The following ATG7 variants were observed in gnomAD, a reference collection of about 807,000 sequenced individuals.
The protein encoded by ATG7 is ubiquitin-like modifier-activating enzyme ATG7.
A neutral mutation model predicts 82.4 loss-of-function variants in ATG7; 70 were observed. That is an observed-to-expected ratio of 0.85 (90% confidence interval 0.70 to 1.04). The LOEUF (loss-of-function observed/expected upper bound fraction) is 1.04, where lower values mean the gene tolerates loss of function less well. Among genes scored for constraint, ATG7 ranks in the 50% least tolerant of loss-of-function variants. The pLI, the probability that ATG7 is intolerant of heterozygous loss-of-function variation, is 0.00. For synonymous variants in ATG7, 287 were observed against 313.0 expected (o/e 0.92, Z 0.88); for missense variants, 792 against 864.3 (o/e 0.92, Z 1.05).
intron 16 of ATG7, among the ~76,000 whole-genome samples, chr3:11,361,189 A>T (rs762047930): frequency 1.3e-5 from 2 of 152,108 alleles, no homozygotes; most frequent in Non-Finnish European, 2.9e-5. Context: ...GGTTCCCTCT[A>T]CCTTTGCAAA....
chr3:11,450,256 G>A (rs139962054), intron 20 of ATG7, among the ~76,000 whole-genome samples: 153 of 152,334 alleles, frequency 1.0e-3, no homozygotes, highest in African/African-American at 3.6e-3. Context: ...TCCAGAGCCT[G>A]TGTTCTTAAC....
chr3:11,452,384 C>CAAAAAA lies in ATG7; in HGVS notation c.2079+25477_2079+25482dup, dbSNP rs34530409. Among the ~76,000 whole-genome samples, 160 of 58,392 alleles carry CAAAAAA rather than the reference C, an allele frequency of 2.7e-3. 19 individuals carry two copies. Among genetic ancestry groups the CAAAAAA allele is most frequent in the African/African-American group, 0.011 (148 of 13,098 alleles). 38.3% of individuals were successfully genotyped at this position (58,392 alleles called of 152,430 possible). A position where few individuals can be genotyped will look rare whatever the true frequency, so the allele number is the denominator to read the frequency against. On this transcript the variant is annotated intron_variant, in intron 20 of 20. Coordinates refer to ENST00000693202, the MANE Select transcript of ATG7 (RefSeq NM_001349232.2). ...TGGGCGACAGAGCGAGAACCTGTCT[C>CAAAAAA]AAAAAAAAAAAAAAAAAAAAAAAAG...
chr3:11,290,248 G>A (rs2152671104), intron 3 of ATG7, among the ~76,000 whole-genome samples: 1 of 152,332 alleles, frequency 6.6e-6, no homozygotes, highest in South Asian at 2.1e-4. Context: ...TAGAAAGGCA[G>A]TGACTAAGGC....
At chr3:11,485,864 T>A (rs965155411) in intron 20 of ATG7, among the ~76,000 whole-genome samples, 1 of 152,084 alleles carries the variant, frequency 6.6e-6, no homozygotes, top group Non-Finnish European at 1.5e-5. Flanking sequence ...ATATGCGACG[T>A]TATTTCTGAG....
intron 20 of ATG7, among the ~76,000 whole-genome samples, chr3:11,528,203 A>G (rs1052590101): frequency 2.6e-5 from 4 of 152,220 alleles, no homozygotes; most frequent in African/African-American, 4.8e-5. Flanking sequence ...AATCTTCTTT[A>G]TAGCCTGCAA....
chr3:11,357,889 G>A (rs1318340371), intron 14 of ATG7, among the ~76,000 whole-genome samples: 1 of 151,752 alleles, frequency 6.6e-6, no homozygotes, highest in Non-Finnish European at 1.5e-5. Context: ...TGTGCCTGTA[G>A]TCCCAGCTAC....
At position 11,372,819 on chromosome 3, in the gene ATG7, CGCGTGTGCGT is replaced by C. The variant is rs778237543; in HGVS notation, c.1876-7151_1876-7142del. ...AGGGCTGGGTGTGTGTGTGTGTGCG[CGCGTGTGCGT>C]GTGTGTGCGTGCGTGCGTGTGCGTG... On this transcript the variant is annotated intron_variant, in intron 18 of 20. Transcript: ENST00000693202. Among the ~76,000 whole-genome samples, 35 of 80,486 alleles carry C rather than the reference CGCGTGTGCGT, an allele frequency of 4.3e-4. 1 individual carries two copies. The highest frequency in any genetic ancestry group is 8.8e-4 in the Non-Finnish European group (29 of 33,084). The allele number at this position is 80,486 out of a possible 152,430, so 52.8% of individuals were successfully genotyped here.
intron 3 of ATG7, among the ~76,000 whole-genome samples, chr3:11,297,641 C>T (rs1425540645): frequency 6.6e-6 from 1 of 152,046 alleles, no homozygotes; most frequent in Admixed American, 6.6e-5. Context: ...TATATCATGG[C>T]ACAAAATACA....
chr3:11,460,301 A>G (rs1025366323), intron 20 of ATG7, among the ~76,000 whole-genome samples: 2 of 152,174 alleles, frequency 1.3e-5, no homozygotes, highest in Non-Finnish European at 2.9e-5. Context: ...GTCCTTCGGT[A>G]TCTTATCTAC....
intron 14 of ATG7, among the ~76,000 whole-genome samples, chr3:11,354,740 TA>T (rs1463494435): frequency 6.9e-6 from 1 of 145,590 alleles, no homozygotes; most frequent in Non-Finnish European, 1.5e-5. Context: ...GCTTCAACCC[TA>T]ATGAGTAGTG....
chr3:11,394,786 G>T (rs1040221779), intron 19 of ATG7, among the ~76,000 whole-genome samples: 1 of 152,102 alleles, frequency 6.6e-6, no homozygotes, highest in Non-Finnish European at 1.5e-5. Context: ...GCCCATAGTT[G>T]CCAGGTAAAA....
chr3:11,375,992 T>TA (rs2077389013), intron 18 of ATG7, among the ~76,000 whole-genome samples: 1 of 152,250 alleles, frequency 6.6e-6, no homozygotes, highest in African/African-American at 2.4e-5. Flanking sequence ...GATGAATTGC[T>TA]AAATAAATGT....
chr3:11,565,022 GA>G, the ATG7 span: 8 of 1,475,820 alleles, frequency 5.4e-6, no homozygotes, highest in Non-Finnish European at 6.3e-6. The surrounding 1 kb of genome is among the most constrained non-coding windows in gnomAD (Gnocchi z 4.1). Context: ...TCTTGTTCCT[GA>G]AAAAGAGGAA....
At chr3:11,277,068 C>A (rs1941969368) in intron 1 of ATG7, among the ~76,000 whole-genome samples, 2 of 152,168 alleles carry the variant, frequency 1.3e-5, no homozygotes, top group African/African-American at 4.8e-5. Flanking sequence ...CTTCCAAGTC[C>A]AGGTAGTCAT....
intron 11 of ATG7, among the ~76,000 whole-genome samples, chr3:11,340,105 TAA>T (rs1953281231): frequency 6.6e-6 from 1 of 152,066 alleles, no homozygotes; most frequent in South Asian, 2.1e-4. Flanking sequence ...TCTGAATGGA[TAA>T]AGATGAGCTT....
chr3:11,369,606 G>A (rs972520501), intron 18 of ATG7, among the ~76,000 whole-genome samples: 1 of 151,184 alleles, frequency 6.6e-6, no homozygotes, highest in Non-Finnish European at 1.5e-5. Flanking sequence ...CAGTGGGGAG[G>A]CCTCTGAATA....
rs1188957186 is a variant in ATG7 at position 11,337,105 on chromosome 3, T to G, written c.890-3540T>G. Among the ~76,000 whole-genome samples, 3 of 152,212 alleles carry G rather than the reference T, an allele frequency of 2.0e-5. No individual in the cohort carries two copies. In the East Asian group the frequency reaches 5.8e-4, roughly 29 times the overall value. On this transcript the variant is annotated intron_variant, in intron 11 of 20. Transcript: ENST00000693202. ...GAGATCCCATCTTAACTCTGTTTTT[T>G]CTTGTGCTGCTCCTGCTTGCCCACT...
intron 3 of ATG7, among the ~76,000 whole-genome samples, chr3:11,295,386 A>C (rs553693314): frequency 6.6e-6 from 1 of 152,118 alleles, no homozygotes; most frequent in South Asian, 2.1e-4. Flanking sequence ...CTGTTGCCAA[A>C]ACATCTTTTT....
the ATG7 span, among the ~76,000 whole-genome samples, chr3:11,567,093 G>C: frequency 1.3e-5 from 2 of 152,256 alleles, no homozygotes; most frequent in African/African-American, 4.8e-5. Context: ...CCTGAGTGCA[G>C]CCTCGGCTGT....
Sources: allele counts gnomAD v4.1 joint callset (sites outside exome capture counted in the v4.1 genomes callset), GRCh38; gene constraint gnomAD v4.1.1; non-coding constraint Gnocchi (gnomAD v3.1); transcripts MANE v1.5; gene names NCBI Gene and HGNC (gene_info 2026-07-23, HGNC 2026-07-21).